TAFA2: variants seen among roughly 807,000 people sequenced by gnomAD.
TAFA2 encodes TAFA chemokine like family member 2, also known as chemokine-like protein TAFA-2.
TAFA2 carries 7 observed loss-of-function variants against 18.8 expected under a neutral mutation model. The ratio of observed to expected loss-of-function variants is 0.37; its 90% CI spans 0.21 to 0.70. The LOEUF is 0.70. TAFA2 is among the 30% of genes least tolerant of loss of function. The probability of loss-of-function intolerance (pLI) is 0.53; values close to 1 mark genes in which losing one functional copy is unlikely to be tolerated. For synonymous variants in TAFA2, 60 were observed against 54.2 expected, an observed-to-expected ratio of 1.11 and a Z score of -0.47; for missense variants, 122 against 158.1, an observed-to-expected ratio of 0.77 and a Z score of 1.23.
chr12:62,036,081 A>C (rs985884255), intron 1 of TAFA2, among the ~76,000 whole-genome samples: 2 of 152,038 alleles, frequency 1.3e-5, no homozygotes, highest in Admixed American at 1.3e-4. Context: ...ATACTGTAGC[A>C]GGCTAAGCAG....
At chr12:62,092,243 T>C (rs1290778837) in intron 1 of TAFA2, among the ~76,000 whole-genome samples, 2 of 151,896 alleles carry the variant, frequency 1.3e-5, no homozygotes, top group Non-Finnish European at 2.9e-5. Context: ...TATAAAAACA[T>C]AAATATGCTG....
chr12:61,816,775 A>G (rs936819456), intron 2 of TAFA2, among the ~76,000 whole-genome samples: 2 of 151,316 alleles, frequency 1.3e-5, no homozygotes, highest in Non-Finnish European at 2.9e-5. Flanking sequence ...TTTATTGAGG[A>G]GGTATTTAAG....
intron 1 of TAFA2, among the ~76,000 whole-genome samples, chr12:62,077,683 CTA>C (rs79650237): frequency 1.3e-5 from 2 of 152,160 alleles, no homozygotes; most frequent in Non-Finnish European, 2.9e-5. Context: ...TCTGCACTCT[CTA>C]AAGACTAATC....
intron 4 of TAFA2, among the ~76,000 whole-genome samples, chr12:61,731,185 T>A (rs1870431317): frequency 2.0e-5 from 3 of 152,144 alleles, no homozygotes; most frequent in African/African-American, 4.8e-5. Flanking sequence ...GGTTAAATCC[T>A]TCTCCCATCA....
intron 1 of TAFA2, among the ~76,000 whole-genome samples, chr12:62,051,241 T>C (rs1565728566): frequency 6.6e-6 from 1 of 152,202 alleles, no homozygotes; most frequent in South Asian, 2.1e-4. Context: ...CAGTGAGGCA[T>C]ACAGATTGGT....
chr12:62,244,841 T>C (rs73319549), intron 1 of TAFA2, among the ~76,000 whole-genome samples: 1,990 of 152,302 alleles, frequency 0.013, 40 homozygotes, highest in African/African-American at 0.045. Flanking sequence ...GGTATGTTTA[T>C]TGTCATTCAG....
intron 1 of TAFA2, among the ~76,000 whole-genome samples, chr12:62,030,634 G>A (rs533882205): frequency 6.6e-6 from 1 of 152,294 alleles, no homozygotes; most frequent in Admixed American, 6.5e-5. Context: ...CTTAGGGAGA[G>A]CCAGTTGTCA....
intron 2 of TAFA2, among the ~76,000 whole-genome samples, chr12:61,799,623 C>G (rs1036119204): frequency 6.6e-6 from 1 of 152,104 alleles, no homozygotes; most frequent in Non-Finnish European, 1.5e-5. Flanking sequence ...GAAATCGAGA[C>G]CATCCTGGCT....
At chr12:61,954,769 G>A (rs118177671) in intron 1 of TAFA2, among the ~76,000 whole-genome samples, 1,827 of 152,234 alleles carry the variant, frequency 0.012, 27 homozygotes, top group East Asian at 0.074. Flanking sequence ...TCATGTATGT[G>A]AGTGATACTA....
intron 1 of TAFA2, among the ~76,000 whole-genome samples, chr12:61,898,773 T>C (rs1313319475): frequency 6.6e-6 from 1 of 152,224 alleles, no homozygotes; most frequent in African/African-American, 2.4e-5. Context: ...GACTTGATGA[T>C]TAACATTCAG....
chr12:61,966,321 G>A (rs561296350), intron 1 of TAFA2, among the ~76,000 whole-genome samples: 2 of 151,976 alleles, frequency 1.3e-5, no homozygotes, highest in East Asian at 3.9e-4. Context: ...CTTGCAAGAT[G>A]GCACCCTGCT....
chr12:61,989,686 T>C (rs1879935419), intron 1 of TAFA2, among the ~76,000 whole-genome samples: 1 of 152,160 alleles, frequency 6.6e-6, no homozygotes, highest in African/African-American at 2.4e-5. Context: ...AAGGTGTATC[T>C]GGCAAGCTTC....
chr12:62,042,156 A>G (rs977377094), intron 1 of TAFA2, among the ~76,000 whole-genome samples: 6 of 151,846 alleles, frequency 4.0e-5, no homozygotes, highest in Non-Finnish European at 7.4e-5. Flanking sequence ...GGCAGAAGAC[A>G]CCCCTTCATG....
At chr12:62,140,626 C>G (rs2062233611) in intron 1 of TAFA2, among the ~76,000 whole-genome samples, 1 of 152,166 alleles carries the variant, frequency 6.6e-6, no homozygotes, top group Non-Finnish European at 1.5e-5. Flanking sequence ...ATAGGCAGAA[C>G]TCTGCCTCAC....
intron 1 of TAFA2, among the ~76,000 whole-genome samples, chr12:62,090,718 A>C (rs1868674842): frequency 6.6e-6 from 1 of 152,016 alleles, no homozygotes; most frequent in Non-Finnish European, 1.5e-5. Context: ...ATTTTTTCTA[A>C]AGAATATATA....
At chr12:62,256,193 C>G (rs377067001) in intron 1 of TAFA2, among the ~76,000 whole-genome samples, 26 of 151,298 alleles carry the variant, frequency 1.7e-4, no homozygotes, top group African/African-American at 5.8e-4. Context: ...CGCTTGAACC[C>G]GGGAGGCAGA....
intron 1 of TAFA2, among the ~76,000 whole-genome samples, chr12:61,886,239 T>G (rs1875371306): frequency 6.6e-6 from 1 of 151,938 alleles, no homozygotes; most frequent in Non-Finnish European, 1.5e-5. Flanking sequence ...ACCATGGGAG[T>G]TACATCACAC....
In TAFA2 at chr12:62,066,300, T is replaced by G. The variant is rs576316909; in HGVS notation, c.-2+124959A>C. On this transcript the variant is annotated intron_variant, in intron 1 of 4. Coordinates refer to ENST00000416284, the MANE Select transcript of TAFA2 (RefSeq NM_178539.5). Reference sequence around the variant, plus strand: ...TATTACAAACAATCCAATTATACTCTTTTAGTTATTCTTAAGTGTCCTTTT... The same window carrying G: ...TATTACAAACAATCCAATTATACTCGTTTAGTTATTCTTAAGTGTCCTTTT... 3.3e-5 allele frequency among the ~76,000 whole-genome samples: 5 copies of G among 152,076 alleles called. No homozygotes were observed. The East Asian group carries it at 9.6e-4, about 29-fold the overall frequency.
intron 4 of TAFA2, among the ~76,000 whole-genome samples, chr12:61,742,352 A>G (rs1868494372): frequency 6.6e-6 from 1 of 152,158 alleles, no homozygotes; most frequent in Non-Finnish European, 1.5e-5. Context: ...CTAATGGACA[A>G]GAACTCAGTA....
Sources: allele counts gnomAD v4.1 joint callset (sites outside exome capture counted in the v4.1 genomes callset), GRCh38; gene constraint gnomAD v4.1.1; transcripts MANE v1.5; gene names NCBI Gene and HGNC (gene_info 2026-07-23, HGNC 2026-07-21).